The following MFRP variants were observed in gnomAD, a reference collection of about 807,000 sequenced individuals.
MFRP encodes C1q and TNF related 5.
A neutral mutation model predicts 65.8 loss-of-function variants in MFRP; 74 were observed. The ratio of observed to expected loss-of-function variants is 1.12; its 90% CI spans 0.93 to 1.36. The LOEUF is 1.36. Ranked by LOEUF, MFRP falls within the 40% of genes most tolerant of loss-of-function variation. The pLI, the probability that MFRP is intolerant of heterozygous loss-of-function variation, is 0.00. For synonymous variants in MFRP, 336 were observed against 288.3 expected (o/e 1.17, Z -1.68); for missense variants, 838 against 736.0 (o/e 1.14, Z -1.60).
Position 119,345,914 on chromosome 11 carries a change from G to C in MFRP, c.286C>G (p.Pro96Ala), listed in dbSNP as rs776835313. 1 of 1,613,700 alleles carries C rather than the reference G, an allele frequency of 6.2e-7. No homozygotes were observed. Among genetic ancestry groups the C allele is most frequent in the Non-Finnish European group, 8.5e-7 (1 of 1,179,854 alleles). Residue 96 changes from proline to alanine, a missense_variant, in exon 4 of 15, where the codon CCC becomes GCC. By Grantham distance (27) the Pro-to-Ala change is conservative. Coordinates refer to ENST00000619721, the MANE Select transcript of MFRP (RefSeq NM_031433.4). Reference protein sequence around the residue: ...AIILAQLQAAPPSGASHSPLP... With the variant: ...AIILAQLQAAAPSGASHSPLP... ...GGGCTATGGGACGCCCCAGATGGGG[G>C]TGCAGCCTGCAGCTCTGGAGGCGAG... is the stretch of plus-strand genomic sequence containing the variant.
Position 119,339,234 on chromosome 11 carries a change from C to G in MFRP, c.*1725G>C. 2.9e-6 allele frequency: 4 copies of G among 1,400,402 alleles called. No homozygotes were observed. Among genetic ancestry groups the G allele is most frequent in the Non-Finnish European group, 3.9e-6 (4 of 1,022,984 alleles). The allele number at this position is 1,400,402 out of a possible 1,614,324, so 86.7% of individuals were successfully genotyped here. On this transcript the variant is annotated 3_prime_UTR_variant, in exon 15 of 15. Transcript: ENST00000619721. The surrounding 1 kb of genome is among the most constrained non-coding windows in gnomAD (Gnocchi z 5.4). ...TCTACCCCACCTCCCTAGTCATTCA[C>G]AATATTCCAGGGGGGCCAGCCCTCC...
At position 119,339,421 on chromosome 11, in the gene MFRP, G is replaced by C. The variant is rs746676244; in HGVS notation, c.*1538C>G. Reference sequence around the variant, plus strand: ...TCTTGATGCTGGCATAGATGCCAATGTAGTCACCCACACCCACCTGCACCC... The same window carrying C: ...TCTTGATGCTGGCATAGATGCCAATCTAGTCACCCACACCCACCTGCACCC... On this transcript the variant is annotated 3_prime_UTR_variant, in exon 15 of 15. Transcript: ENST00000619721. This position sits in a 1 kb window ranked among gnomAD's most constrained non-coding sequence, Gnocchi z 5.4. 6.2e-7 allele frequency: 1 copy of C among 1,613,480 alleles called. No homozygotes were observed. The highest frequency in any genetic ancestry group is 8.5e-7 in the Non-Finnish European group (1 of 1,179,700).
At chr11:119,340,554 CG>C in intron 13 of MFRP, 114 bp from the exon 14 acceptor site, 1 of 764,294 alleles carries the variant, frequency 1.3e-6, no homozygotes, top group Non-Finnish European at 2.1e-6. Flanking sequence ...TGAGGCTGAG[CG>C]CTCGCAGGGC....
At position 119,339,280 on chromosome 11, in the gene MFRP, C is replaced by G. The variant is rs774976658; in HGVS notation, c.*1679G>C. 54 of 1,583,442 alleles carry G rather than the reference C, an allele frequency of 3.4e-5. No individual in the cohort carries two copies. In the Admixed American group the frequency reaches 9.3e-4, roughly 27 times the overall value. Reference sequence around the variant, plus strand: ...CCTCCTGGATGACCTGGTTGTCAGCCTCACACCCTCCTTCTAGGAGTGAGA... The same window carrying G: ...CCTCCTGGATGACCTGGTTGTCAGCGTCACACCCTCCTTCTAGGAGTGAGA... On this transcript the variant is annotated 3_prime_UTR_variant, in exon 15 of 15. Transcript: ENST00000619721. The surrounding 1 kb of genome is among the most constrained non-coding windows in gnomAD (Gnocchi z 5.4).
chr11:119,345,758 GCC>G lies in MFRP; in HGVS notation c.427+13_427+14del. On this transcript the variant is annotated intron_variant, in intron 4 of 14. Transcript: ENST00000619721. The stretch of plus-strand genomic sequence containing the variant: ...CTTGGGCCCTTCTCCCGGAAGATCT[GCC>G]CCCAGTACTCACTGGACTGTGGGGA... 6.2e-7 allele frequency: 1 copy of G among 1,613,348 alleles called. No individual in the cohort carries two copies. Among genetic ancestry groups the G allele is most frequent in the Non-Finnish European group, 8.5e-7 (1 of 1,179,976 alleles).
Position 119,344,959 on chromosome 11 carries a change from G to T in MFRP, c.687C>A (p.Ser229Arg). 1 of 1,609,570 alleles carries T rather than the reference G, an allele frequency of 6.2e-7. No individual in the cohort carries two copies. Among genetic ancestry groups the T allele is most frequent in the Non-Finnish European group, 8.5e-7 (1 of 1,178,506 alleles). The change falls in exon 6 of 15, where the codon AGC becomes AGA. Residue 229 changes from serine to arginine, a missense_variant. Transcript: ENST00000619721. ...VPPPTLNTNA[S>R]HLLVVFVSDS... ...CAGAGACGAAGACCACCAGGAGGTGGCTGGCATTGGTGTTGAGCGTGGGGG... is the reference window on the plus strand; with the variant it reads ...CAGAGACGAAGACCACCAGGAGGTGTCTGGCATTGGTGTTGAGCGTGGGGG...
In MFRP at chr11:119,345,610, G is replaced by C. The variant is rs770853687; in HGVS notation, c.451C>G (p.Pro151Ala). Residue 151 changes from proline (P) to alanine (A), a missense_variant, in exon 5 of 15, where the codon CCA (proline) becomes GCA (alanine). By Grantham distance (27) the Pro-to-Ala change is conservative. Coordinates refer to ENST00000619721, the MANE Select transcript of MFRP (RefSeq NM_031433.4). The stretch of plus-strand genomic sequence containing the variant: ...TTAGGGCTGCTGAAGAAGCCCCTTG[G>C]GCCAGAGAGGAGGCCTCCACAGGCT... ...QSTCGGLLSGPRGFFSSPNYP... is the reference protein window; with the variant it reads ...QSTCGGLLSGARGFFSSPNYP... The C allele has an allele frequency of 4.3e-6, 7 of 1,613,586 alleles. No individual in the cohort carries two copies. Among genetic ancestry groups the C allele is most frequent in the Admixed American group, 3.3e-5 (2 of 60,000 alleles).
In MFRP at chr11:119,341,510, G is replaced by A. The variant is rs1950502103; in HGVS notation, c.*38C>T. On this transcript the variant is annotated 3_prime_UTR_variant, in exon 13 of 15. Coordinates refer to ENST00000619721, the MANE Select transcript of MFRP (RefSeq NM_031433.4). ...TGCGTGCCAGCCCTGACCGGCAAAA[G>A]AGGACGGGCAGGAAGAGGGCAGGGG... 6.4e-7 allele frequency: 1 copy of A among 1,563,304 alleles called. No individual in the cohort carries two copies. The highest frequency in any genetic ancestry group is 8.8e-7 in the Non-Finnish European group (1 of 1,139,048).
intron 5 of MFRP, 148 bp from the exon 6 acceptor site, chr11:119,345,152 C>A: frequency 2.9e-6 from 3 of 1,049,846 alleles, no homozygotes; most frequent in Non-Finnish European, 4.2e-6. Context: ...CCAGGGAGCT[C>A]TGACCTTCCT....
Position 119,342,682 on chromosome 11 carries a change from T to A in MFRP, c.1301A>T (p.Lys434Met). The part of the protein sequence containing the change: ...SELSCQAGGC[K>M]GVQWMCDMWR... ...CATGTCACACATCCACTGCACACCC[T>A]TACACCCTCCTGCCTGGCAGGAGAG... Residue 434 changes from lysine (K) to methionine (M), a missense_variant, in exon 11 of 15, where the codon AAG becomes ATG. Transcript: ENST00000619721. The A allele has an allele frequency of 3.1e-6, 5 of 1,613,642 alleles. No homozygotes were observed. The highest frequency in any genetic ancestry group is 4.2e-6 in the Non-Finnish European group (5 of 1,179,912).
rs1278055590 is a variant in MFRP, at chr11:119,344,467, A to G, written c.899-76T>C. 3.2e-6 allele frequency: 5 copies of G among 1,558,898 alleles called. No individual in the cohort carries two copies. In the African/African-American group the frequency reaches 6.8e-5, roughly 21 times the overall value. ...CCAATAGGGCTGGCGGTGATTACAGAGCGAGAGTTTTGGCCATGCCCATGG... is the reference window on the plus strand; with the variant it reads ...CCAATAGGGCTGGCGGTGATTACAGGGCGAGAGTTTTGGCCATGCCCATGG... On this transcript the variant is annotated intron_variant, in intron 7 of 14. Coordinates refer to ENST00000619721, the MANE Select transcript of MFRP (RefSeq NM_031433.4).
intron 11 of MFRP, 102 bp downstream of exon 11, chr11:119,342,493 GC>G: frequency 1.4e-6 from 2 of 1,469,444 alleles, no homozygotes; most frequent in South Asian, 1.3e-5. Flanking sequence ...AGCTGGCCCC[GC>G]CCCCTCAGGG....
chr11:119,341,546 G>A lies in MFRP; in HGVS notation c.*2C>T. The A allele has an allele frequency of 6.2e-7, 1 of 1,611,782 alleles. No individual in the cohort carries two copies. The highest frequency in any genetic ancestry group is 8.5e-7 in the Non-Finnish European group (1 of 1,179,364). ...GGAAGAGGGCAGGGGCCGGCTTCAG[G>A]GTCAGGGCTGGGCACAAGCTTCCAG... On this transcript the variant is annotated 3_prime_UTR_variant, in exon 13 of 15. Coordinates refer to ENST00000619721, the MANE Select transcript of MFRP (RefSeq NM_031433.4).
In MFRP at chr11:119,340,168, G is replaced by T; in HGVS notation, c.*1110+16C>A. On this transcript the variant is annotated intron_variant, in intron 14 of 14. Coordinates refer to ENST00000619721, the MANE Select transcript of MFRP (RefSeq NM_031433.4). ...CTCGGACATCGCCACCGATAGCCGC[G>T]GCGGTGCCTTCTTACCCGGCCTCCC... The T allele has an allele frequency of 6.6e-7, 1 of 1,509,384 alleles. No homozygotes were observed. Among genetic ancestry groups the T allele is most frequent in the Non-Finnish European group, 8.8e-7 (1 of 1,131,824 alleles). 93.5% of individuals were successfully genotyped at this position (1,509,384 alleles called of 1,614,324 possible). A position where few individuals can be genotyped will look rare whatever the true frequency, so the allele number is the denominator to read the frequency against.
Position 119,346,112 on chromosome 11 carries a change from A to C in MFRP, c.205T>G (p.Cys69Gly). The change falls in exon 3 of 15, where the codon TGT becomes GGT. Residue 69 changes from cysteine (C) to glycine (G), a missense_variant. By Grantham distance (159) the Cys-to-Gly change is radical. Coordinates refer to ENST00000619721, the MANE Select transcript of MFRP (RefSeq NM_031433.4). Reference sequence around the variant, plus strand: ...AGCAGGCTGGAGAGCAGGAGGACACAGAGCCAGGAGAAGCGGCAGTCTGGC... The same window carrying C: ...AGCAGGCTGGAGAGCAGGAGGACACCGAGCCAGGAGAAGCGGCAGTCTGGC... ...LRPDCRFSWL[C>G]VLLLSSLLLL... 6.2e-7 allele frequency: 1 copy of C among 1,606,774 alleles called. No homozygotes were observed. The highest frequency in any genetic ancestry group is 8.5e-7 in the Non-Finnish European group (1 of 1,176,500).
rs141453967 is a variant in MFRP, at chr11:119,339,514, C to T, written c.*1445G>A. 6 of 1,613,700 alleles carry T rather than the reference C, an allele frequency of 3.7e-6. No individual in the cohort carries two copies. Among genetic ancestry groups the T allele is most frequent in the Admixed American group, 3.3e-5 (2 of 60,002 alleles). On this transcript the variant is annotated 3_prime_UTR_variant, in exon 15 of 15. Transcript: ENST00000619721. The surrounding 1 kb of genome is among the most constrained non-coding windows in gnomAD (Gnocchi z 5.4). ...AGAGCGAGGCTGGCTTGGGCCACCC[C>T]CCGAAAAACTGGAAGAAAGAGGCAA...
chr11:119,340,528 C>T (rs1950492331), intron 13 of MFRP, 88 bp from the exon 14 acceptor site: 1 of 980,822 alleles, frequency 1.0e-6, no homozygotes, highest in Non-Finnish European at 1.5e-6. Flanking sequence ...CGGTCCCCAC[C>T]CCACTGCCGT....
Position 119,342,958 on chromosome 11 carries a change from A to G in MFRP, c.1170T>C (p.His390=). ...CTGTCCTAAACAGCACAGCCAGCTC[A>G]TGGTGCGAGGAGACGAGGTGGGGGG... ...EPPPHLVSSH[H]ELAVLFRTDH... is the part of the protein sequence containing the mutation. The change falls in exon 10 of 15, where the codon CAT becomes CAC. Residue 390 remains histidine, a synonymous_variant. Transcript: ENST00000619721. 6.2e-7 allele frequency: 1 copy of G among 1,610,900 alleles called. No individual in the cohort carries two copies.
At position 119,345,782 on chromosome 11, in the gene MFRP, G is replaced by A; in HGVS notation, c.418C>T (p.Pro140Ser). The change falls in exon 4 of 15, where the codon CCA (proline) becomes TCA (serine). Residue 140 changes from proline (P) to serine (S), a missense_variant. Physicochemically the swap from Pro to Ser is moderately conservative, Grantham distance 74. Transcript: ENST00000619721. ...TGCCCCCAGTACTCACTGGACTGTGGGGAGGGGCTCACGCCTGACTCCTGC... is the reference window on the plus strand; with the variant it reads ...TGCCCCCAGTACTCACTGGACTGTGAGGAGGGGCTCACGCCTGACTCCTGC... ...GQQESGVSPS[P>S]QSTCGGLLSG... 2.5e-6 allele frequency: 4 copies of A among 1,613,696 alleles called. No individual in the cohort carries two copies. The highest frequency in any genetic ancestry group is 3.4e-6 in the Non-Finnish European group (4 of 1,180,012).
Sources: allele counts gnomAD v4.1 joint callset, GRCh38; gene constraint gnomAD v4.1.1; non-coding constraint Gnocchi (gnomAD v3.1); transcripts MANE v1.5; gene names NCBI Gene and HGNC (gene_info 2026-07-23, HGNC 2026-07-21).